The following DHX40 variants were observed in gnomAD, a reference collection of about 807,000 sequenced individuals.
DHX40 encodes the protein DEAH-box helicase 40, also known as probable ATP-dependent RNA helicase DHX40.
A neutral mutation model predicts 89.6 loss-of-function variants in DHX40; 28 were observed. That is an observed-to-expected ratio of 0.31 (90% CI 0.23 to 0.43). The LOEUF is 0.43. DHX40 is among the 20% of genes least tolerant of loss of function. The probability of loss-of-function intolerance (pLI) is 1.00; values close to 1 mark genes in which losing one functional copy is unlikely to be tolerated. For synonymous variants in DHX40, 226 were observed against 283.6 expected (o/e 0.80, Z 2.04); for missense variants, 457 against 844.0 (o/e 0.54, Z 5.68).
Position 59,573,900 on chromosome 17 carries a change from C to T in DHX40, c.707C>T (p.Pro236Leu), listed in dbSNP as rs1598143214. 6.2e-7 allele frequency: 1 copy of T among 1,606,916 alleles called. No individual in the cohort carries two copies. The stretch of plus-strand genomic sequence containing the variant: ...TTTGATATACCTGGAAGGCTTTATC[C>T]AGTCAGAGAGAAATTCTGCAATTTG... ...PIFDIPGRLY[P>L]VREKFCNLIG... The change falls in exon 5 of 18, where the codon CCA becomes CTA. Residue 236 changes from proline (P) to leucine (L), a missense_variant. Around this residue, in one of 9 missense-constraint regions of DHX40, gnomAD observed 116 missense variants for 188.9 expected, o/e 0.61. Coordinates refer to ENST00000251241, the MANE Select transcript of DHX40 (RefSeq NM_024612.5).
chr17:59,586,910 T>G (rs774373585), intron 11 of DHX40, among the ~76,000 whole-genome samples: 1 of 152,104 alleles, frequency 6.6e-6, no homozygotes, highest in Non-Finnish European at 1.5e-5. Context: ...TTCCAGCACT[T>G]TGGGAGGCCA....
At chr17:59,576,790 A>T (rs2697404) in intron 7 of DHX40, among the ~76,000 whole-genome samples, 8 of 152,012 alleles carry the variant, frequency 5.3e-5, no homozygotes, top group East Asian at 3.9e-4. Context: ...GACATATATT[A>T]TTCTATACAG....
intron 15 of DHX40, 40 bp downstream of exon 15, chr17:59,602,656 A>G (rs748393141): frequency 6.8e-7 from 1 of 1,459,960 alleles, no homozygotes; most frequent in Non-Finnish European, 9.5e-7. Flanking sequence ...AAGATATAAT[A>G]CTGTATTTGA....
intron 12 of DHX40, among the ~76,000 whole-genome samples, chr17:59,589,126 A>C (rs1164487635): frequency 6.6e-6 from 1 of 151,870 alleles, no homozygotes; most frequent in African/African-American, 2.4e-5. Context: ...TTCCTCTTCA[A>C]AATTGTTTAG....
chr17:59,607,100 A>T lies in DHX40; in HGVS notation c.2268A>T (p.Ala756=). ...RRNDDKSISD[A]RARFLERKQQ... ...ATGATGACAAATCCATATCTGATGC[A>T]CGGGCTCGTTTCCTTGAGAGAAAGC... Residue 756 remains alanine, a synonymous_variant, in exon 18 of 18, where the codon GCA becomes GCT. Coordinates refer to ENST00000251241, the MANE Select transcript of DHX40 (RefSeq NM_024612.5). 6.2e-7 allele frequency: 1 copy of T among 1,614,226 alleles called. No individual in the cohort carries two copies.
intron 8 of DHX40, among the ~76,000 whole-genome samples, chr17:59,579,014 GT>G (rs752284048): frequency 4.2e-5 from 6 of 141,454 alleles, no homozygotes; most frequent in Non-Finnish European, 7.6e-5. Flanking sequence ...ATATTCCATT[GT>G]GTGTGTATAT....
intron 15 of DHX40, chr17:59,603,996 G>A (rs1265165340): frequency 6.6e-6 from 1 of 152,142 alleles, no homozygotes; most frequent in Non-Finnish European, 1.5e-5. Flanking sequence ...AAAGACTGAG[G>A]AAGTATTCCA....
At chr17:59,592,342 T>G (rs2049096170) in intron 12 of DHX40, among the ~76,000 whole-genome samples, 3 of 151,228 alleles carry the variant, frequency 2.0e-5, no homozygotes, top group Non-Finnish European at 4.4e-5. Context: ...ACAGTTAATT[T>G]TAGGTAAAAT....
intron 15 of DHX40, among the ~76,000 whole-genome samples, chr17:59,603,109 A>G (rs557386024): frequency 5.3e-5 from 8 of 152,264 alleles, no homozygotes; most frequent in African/African-American, 1.7e-4. Flanking sequence ...GGAATTGAAC[A>G]CATAACTCTG....
chr17:59,605,763 A>T (rs771591917), intron 17 of DHX40, 89 bp downstream of exon 17: 1 of 1,284,864 alleles, frequency 7.8e-7, no homozygotes, highest in Non-Finnish European at 1.1e-6. Context: ...AAATGTTGTG[A>T]CCCACCTGGG....
chr17:59,606,616 G>A (rs182932854), intron 17 of DHX40, among the ~76,000 whole-genome samples: 1 of 152,002 alleles, frequency 6.6e-6, no homozygotes, highest in Admixed American at 6.6e-5. Context: ...TGTGGTGGCG[G>A]GCGCCTGTAG....
intron 2 of DHX40, among the ~76,000 whole-genome samples, chr17:59,570,045 A>AAT (rs2048771245): frequency 8.8e-6 from 1 of 113,512 alleles, no homozygotes; most frequent in South Asian, 2.5e-4. Context: ...ACTCTGTCTA[A>AAT]ATATATATAA....
chr17:59,589,046 G>GTTTGTTCTTCCACC (rs1165906004), intron 12 of DHX40, among the ~76,000 whole-genome samples: 2 of 151,890 alleles, frequency 1.3e-5, no homozygotes, highest in African/African-American at 4.8e-5. Context: ...CTGATTGTCT[G>GTTTGTTCTTCCACC]TTTGTTCTTC....
intron 3 of DHX40, among the ~76,000 whole-genome samples, chr17:59,571,667 T>A (rs1198481791): frequency 6.6e-6 from 1 of 151,410 alleles, no homozygotes; most frequent in Non-Finnish European, 1.5e-5. Flanking sequence ...CTCCACTCCC[T>A]GCAACCTCTG....
At chr17:59,572,100 C>A (rs750356837) in intron 3 of DHX40, among the ~76,000 whole-genome samples, 2 of 152,134 alleles carry the variant, frequency 1.3e-5, no homozygotes, top group Non-Finnish European at 2.9e-5. Flanking sequence ...ATTCATGGCA[C>A]CAACAAATTT....
In DHX40 at chr17:59,597,969, C is replaced by T. The variant is rs1310370283; in HGVS notation, c.1583-768C>T. ...AAAAAAAAAACCTCCTGGGCTCAAG[C>T]GATCTTCCCACCTCAGCCTCCTGAG... On this transcript the variant is annotated intron_variant, in intron 12 of 17. Transcript: ENST00000251241. Among the ~76,000 whole-genome samples, 6 of 145,996 alleles carry T rather than the reference C, an allele frequency of 4.1e-5. 1 individual carries two copies. The highest frequency in any genetic ancestry group is 4.0e-4 in the East Asian group (2 of 5,044).
At position 59,605,451 on chromosome 17, in the gene DHX40, T is replaced by C. The variant is rs1264543668; in HGVS notation, c.1977T>C (p.His659=). Residue 659 remains histidine, a synonymous_variant, in exon 17 of 18, where the codon CAT becomes CAC. Coordinates refer to ENST00000251241, the MANE Select transcript of DHX40 (RefSeq NM_024612.5). ...AAAAGAAATGTTTTGTATAGCTTCA[T>C]GAACAGGAAACCAAACTTGAATGGA... is the stretch of plus-strand genomic sequence containing the variant. ...PVHIHPSSAL[H]EQETKLEWII... 1.2e-6 allele frequency: 2 copies of C among 1,611,884 alleles called. No individual in the cohort carries two copies. The highest frequency in any genetic ancestry group is 1.7e-6 in the Non-Finnish European group (2 of 1,178,094).
In DHX40 at chr17:59,577,372, CTT is replaced by C. The variant is rs891869249; in HGVS notation, c.1073+10_1073+11del. On this transcript the variant is annotated splice_region_variant and intron_variant, in intron 8 of 17. Transcript: ENST00000251241. ...TGACAATAGATGGAATCAGGTAAAA[CTT>C]TTGAACTTTCTCTTAAAGTCAAGGA... The C allele has an allele frequency of 6.2e-7, 1 of 1,608,614 alleles. No homozygotes were observed. The highest frequency in any genetic ancestry group is 1.3e-5 in the African/African-American group (1 of 74,794).
intron 12 of DHX40, among the ~76,000 whole-genome samples, chr17:59,598,522 T>C (rs1042564552): frequency 6.6e-6 from 1 of 152,066 alleles, no homozygotes; most frequent in Admixed American, 6.5e-5. Flanking sequence ...GGAGAAGTAA[T>C]GTTGCTATTC....
Sources: gnomAD v4.1 joint callset for allele counts (sites outside exome capture counted in the v4.1 genomes callset) on GRCh38, gnomAD v4.1.1 for gene constraint, gnomAD v4.1.1 regional missense constraint, MANE v1.5 for transcripts, NCBI Gene and HGNC (gene_info 2026-07-23, HGNC 2026-07-21) for gene names.